The following DHX9 variants were observed in gnomAD, a reference collection of about 807,000 sequenced individuals.
DHX9 encodes ATP-dependent RNA helicase A.
A neutral mutation model predicts 148.7 loss-of-function variants in DHX9; 27 were observed. The ratio of observed to expected loss-of-function variants is 0.18; its 90% confidence interval spans 0.13 to 0.25. The LOEUF is 0.25. DHX9 is among the 10% of genes least tolerant of loss of function. DHX9 has a pLI of 1.00. For synonymous variants in DHX9, 529 were observed against 516.6 expected (o/e 1.02, Z -0.33); for missense variants, 796 against 1,559.6 (o/e 0.51, Z 8.25).
chr1:182,878,028 G>A lies in DHX9; in HGVS notation c.2206G>A (p.Val736Met). 1.9e-6 allele frequency: 3 copies of A among 1,614,168 alleles called. No homozygotes were observed. Among genetic ancestry groups the A allele is most frequent in the Non-Finnish European group, 2.5e-6 (3 of 1,180,020 alleles). The change falls in exon 20 of 28, where the codon GTG becomes ATG. Residue 736 changes from valine to methionine, a missense_variant. Physicochemically the swap from Val to Met is conservative, Grantham distance 21. Around this residue, in one of 14 missense-constraint regions of DHX9, gnomAD observed 6 missense variants for 74.7 expected, o/e 0.08. Transcript: ENST00000367549. ...CCACTTTTTCCTATGTAGGCAGAAA[G>A]TGAAACTCTTCACTGCTCACAACAA... ...VYVIDSCKQK[V>M]KLFTAHNNMT...
chr1:182,864,527 C>T (rs1364547379), intron 12 of DHX9, among the ~76,000 whole-genome samples: 1 of 152,120 alleles, frequency 6.6e-6, no homozygotes, highest in Non-Finnish European at 1.5e-5. Context: ...TTGCCACACT[C>T]CCCTGAAGAA....
intron 12 of DHX9, among the ~76,000 whole-genome samples, chr1:182,863,042 G>A (rs1040730942): frequency 1.3e-5 from 2 of 152,168 alleles, no homozygotes; most frequent in African/African-American, 4.8e-5. Context: ...GCAGATGTAT[G>A]CAATGAAAAT....
chr1:182,847,009 G>A (rs377124010), intron 3 of DHX9, among the ~76,000 whole-genome samples: 2 of 151,776 alleles, frequency 1.3e-5, no homozygotes, highest in East Asian at 3.9e-4. Context: ...AGCCCACCCA[G>A]TGTATTTCAG....
In DHX9 at chr1:182,858,259, T is replaced by C. The variant is rs961723978; in HGVS notation, c.810+19T>C. On this transcript the variant is annotated intron_variant, in intron 8 of 27. Coordinates refer to ENST00000367549, the MANE Select transcript of DHX9 (RefSeq NM_001357.5). Reference sequence around the variant, plus strand: ...AGAGACAGTGAGTCTTTAGATTTAATAGACTTGTGAGATAGTGTGAGATTC... The same window carrying C: ...AGAGACAGTGAGTCTTTAGATTTAACAGACTTGTGAGATAGTGTGAGATTC... 2 of 1,609,188 alleles carry C rather than the reference T, an allele frequency of 1.2e-6. No individual in the cohort carries two copies. The highest frequency in any genetic ancestry group is 1.7e-5 in the Admixed American group (1 of 58,866).
chr1:182,881,250 T>G lies in DHX9; in HGVS notation c.2625-14T>G. 1.9e-6 allele frequency: 3 copies of G among 1,610,002 alleles called. No individual in the cohort carries two copies. The highest frequency in any genetic ancestry group is 2.5e-6 in the Non-Finnish European group (3 of 1,178,258). ...GTGATCTAGTCTGGATTTAACTGTC[T>G]TTGTGTATTTCAGCGTGGGAGATGC... On this transcript the variant is annotated splice_polypyrimidine_tract_variant and intron_variant, in intron 22 of 27. Coordinates refer to ENST00000367549, the MANE Select transcript of DHX9 (RefSeq NM_001357.5).
intron 3 of DHX9, among the ~76,000 whole-genome samples, chr1:182,847,952 C>A (rs1209712042): frequency 6.6e-6 from 1 of 152,128 alleles, no homozygotes; most frequent in Non-Finnish European, 1.5e-5. Flanking sequence ...CAGAAGTAAT[C>A]CCCTAGGTGA....
chr1:182,852,767 C>T (rs1388410842), intron 4 of DHX9, among the ~76,000 whole-genome samples: 1 of 152,128 alleles, frequency 6.6e-6, no homozygotes, highest in African/African-American at 2.4e-5. Flanking sequence ...TACAACATTG[C>T]TTATAGTCTT....
chr1:182,852,213 C>A lies in DHX9; in HGVS notation c.253-20C>A. On this transcript the variant is annotated intron_variant, in intron 3 of 27. Coordinates refer to ENST00000367549, the MANE Select transcript of DHX9 (RefSeq NM_001357.5). The stretch of plus-strand genomic sequence containing the variant: ...TGAAGGCAAAAGCACTGACAGCTGC[C>A]TTGACTTTTTCTTTTGCAGGTAGCA... 6.4e-7 allele frequency: 1 copy of A among 1,571,158 alleles called. No individual in the cohort carries two copies.
chr1:182,856,682 A>G, intron 7 of DHX9, 104 bp downstream of exon 7: 1 of 966,264 alleles, frequency 1.0e-6, no homozygotes, highest in Non-Finnish European at 1.6e-6. Context: ...TATTTGAAAG[A>G]GCACATAATG....
At chr1:182,850,189 C>A (rs936331350) in intron 3 of DHX9, among the ~76,000 whole-genome samples, 7 of 152,044 alleles carry the variant, frequency 4.6e-5, no homozygotes, top group African/African-American at 9.7e-5. Context: ...TAATACTACT[C>A]CAAGCTTGGG....
intron 3 of DHX9, among the ~76,000 whole-genome samples, chr1:182,851,208 G>A (rs1668139719): frequency 6.6e-6 from 1 of 152,112 alleles, no homozygotes; most frequent in Non-Finnish European, 1.5e-5. Flanking sequence ...AATTCACAAT[G>A]TACTAATAAC....
At chr1:182,855,260 C>T (rs1280480727) in intron 6 of DHX9, among the ~76,000 whole-genome samples, 8 of 152,190 alleles carry the variant, frequency 5.3e-5, no homozygotes, top group Non-Finnish European at 1.2e-4. Context: ...CTTGGTAGCA[C>T]TTGGTGACTT....
intron 14 of DHX9, among the ~76,000 whole-genome samples, chr1:182,869,030 G>A (rs978173766): frequency 6.6e-6 from 1 of 152,160 alleles, no homozygotes; most frequent in Non-Finnish European, 1.5e-5. Flanking sequence ...ATGTAGCAAT[G>A]TTCTTAGGGT....
In DHX9 at chr1:182,884,603, G is replaced by A. The variant is rs1409307362; in HGVS notation, c.3261-10G>A. On this transcript the variant is annotated splice_polypyrimidine_tract_variant and intron_variant, in intron 26 of 27. Coordinates refer to ENST00000367549, the MANE Select transcript of DHX9 (RefSeq NM_001357.5). ...CCCTCTCTTATTTTTAATGTATTTC[G>A]CCACTTTAGGATTAAACTGCAAATA... 11 of 1,611,806 alleles carry A rather than the reference G, an allele frequency of 6.8e-6. No homozygotes were observed. Among genetic ancestry groups the A allele is most frequent in the Middle Eastern group, 1.7e-4 (1 of 6,022 alleles).
In DHX9 at chr1:182,875,428, C is replaced by T. The variant is rs187713234; in HGVS notation, c.1815+474C>T. ...AGCTATAGCTTTAGCTACAGGAGACCGGTGATGACATTATCAGGTGGACAG... is the reference window on the plus strand; with the variant it reads ...AGCTATAGCTTTAGCTACAGGAGACTGGTGATGACATTATCAGGTGGACAG... On this transcript the variant is annotated intron_variant, in intron 16 of 27. Transcript: ENST00000367549. Among the ~76,000 whole-genome samples, 21 of 152,180 alleles carry T rather than the reference C, an allele frequency of 1.4e-4. No homozygotes were observed. The South Asian group carries it at 3.5e-3, about 26-fold the overall frequency.
rs377498809 is a variant in DHX9, at chr1:182,858,714, T to G, written c.901-19T>G. 1.2e-6 allele frequency: 2 copies of G among 1,612,982 alleles called. No homozygotes were observed. Among genetic ancestry groups the G allele is most frequent in the African/African-American group, 2.7e-5 (2 of 74,818 alleles). On this transcript the variant is annotated intron_variant, in intron 9 of 27. Transcript: ENST00000367549. Reference sequence around the variant, plus strand: ...CAAGCAAATCATATTTTTTGTTTGTTTTTCTTATTTTTTAATAGCCTGAAG... The same window carrying G: ...CAAGCAAATCATATTTTTTGTTTGTGTTTCTTATTTTTTAATAGCCTGAAG...
intron 11 of DHX9, 119 bp downstream of exon 11, chr1:182,859,236 A>C: frequency 1.3e-6 from 1 of 787,922 alleles, no homozygotes; most frequent in Non-Finnish European, 2.1e-6. Context: ...AAAGATATGT[A>C]CCAAACTGCT....
intron 3 of DHX9, among the ~76,000 whole-genome samples, chr1:182,849,793 A>G (rs774476877): frequency 5.9e-5 from 9 of 151,944 alleles, no homozygotes; most frequent in Non-Finnish European, 8.8e-5. Flanking sequence ...GCCTCTACAT[A>G]TATCTTCCCT....
chr1:182,872,438 A>C lies in DHX9; in HGVS notation c.1659A>C (p.Glu553Asp). 2 of 1,613,972 alleles carry C rather than the reference A, an allele frequency of 1.2e-6. No homozygotes were observed. The highest frequency in any genetic ancestry group is 1.1e-5 in the South Asian group (1 of 91,074). ...SATIDTSMFCEYFFNCPIIEV... is the reference protein window; with the variant it reads ...SATIDTSMFCDYFFNCPIIEV... The stretch of plus-strand genomic sequence containing the variant: ...CTATTGATACCAGCATGTTTTGTGA[A>C]TATTTCTTCAATTGCCCCATCATTG... The change falls in exon 15 of 28, where the codon GAA (glutamate) becomes GAC (aspartate). Residue 553 changes from glutamate to aspartate, a missense_variant. Physicochemically the swap from Glu to Asp is conservative, Grantham distance 45. Coordinates refer to ENST00000367549, the MANE Select transcript of DHX9 (RefSeq NM_001357.5).
Sources: gnomAD v4.1 joint callset for allele counts (sites outside exome capture counted in the v4.1 genomes callset) on GRCh38, gnomAD v4.1.1 for gene constraint, gnomAD v4.1.1 regional missense constraint, MANE v1.5 for transcripts, NCBI Gene and HGNC (gene_info 2026-07-23, HGNC 2026-07-21) for gene names.